MYO10: variants seen among roughly 807,000 people sequenced by gnomAD.
MYO10 encodes myosin X, also known as unconventional myosin-X.
MYO10 carries 133 observed loss-of-function variants against 257.3 expected under a neutral mutation model. The ratio of observed to expected loss-of-function variants is 0.52; its 90% CI spans 0.45 to 0.60. The LOEUF (loss-of-function observed/expected upper bound fraction) is 0.60, where lower values mean the gene tolerates loss of function less well. MYO10 is among the 20% of genes least tolerant of loss of function. The probability of loss-of-function intolerance (pLI) is 0.00; values close to 1 mark genes in which losing one functional copy is unlikely to be tolerated. For missense variants in MYO10, 2,399 were observed against 2,635.7 expected, an observed-to-expected ratio of 0.91 and a Z score of 1.97; for synonymous variants, 1,104 against 1,028.6, an observed-to-expected ratio of 1.07 and a Z score of -1.40.
chr5:16,699,429 C>T (rs775070242), intron 26 of MYO10, 21 bp downstream of exon 26: 2 of 1,612,318 alleles, frequency 1.2e-6, no homozygotes, highest in Non-Finnish European at 1.7e-6. Context: ...AACCCAGACT[C>T]CATGGCGGCT....
intron 19 of MYO10, among the ~76,000 whole-genome samples, chr5:16,718,002 T>G (rs980497255): frequency 5.3e-5 from 8 of 152,282 alleles, no homozygotes; most frequent in African/African-American, 1.9e-4. Flanking sequence ...GCGGGCCAGC[T>G]GGAGTTGCGG....
intron 27 of MYO10, among the ~76,000 whole-genome samples, chr5:16,693,008 C>T (rs573168533): frequency 1.3e-5 from 2 of 152,204 alleles, no homozygotes; most frequent in South Asian, 2.1e-4. Context: ...ACATCATGGC[C>T]GTAATCCCAG....
chr5:16,783,460 A>G lies in MYO10; in HGVS notation c.477T>C (p.Ser159=). The change falls in exon 5 of 41, where the codon AGT becomes AGC. Residue 159 remains serine, a synonymous_variant. Transcript: ENST00000513610. ...TAGTGCTTTCGGTTTTACCTGCCCC[A>G]CTTTCACCACTGAAAGACAAAACGG... ...DNQCILISGE[S]GAGKTESTKL... 1 of 1,608,780 alleles carries G rather than the reference A, an allele frequency of 6.2e-7. No individual in the cohort carries two copies. The highest frequency in any genetic ancestry group is 8.5e-7 in the Non-Finnish European group (1 of 1,178,386).
intron 2 of MYO10, among the ~76,000 whole-genome samples, chr5:16,869,328 C>G (rs190720125): frequency 6.6e-6 from 1 of 151,774 alleles, no homozygotes; most frequent in Non-Finnish European, 1.5e-5. Context: ...CGTGCACCAC[C>G]GTGCCCAGGC....
intron 19 of MYO10, among the ~76,000 whole-genome samples, chr5:16,745,035 C>T (rs1017181785): frequency 6.6e-6 from 1 of 152,192 alleles, no homozygotes; most frequent in African/African-American, 2.4e-5. Context: ...AGATTTCATT[C>T]ATTACAATTA....
chr5:16,936,147 C>T lies in MYO10; in HGVS notation c.-339G>A, dbSNP rs1746437331. The stretch of plus-strand genomic sequence containing the variant: ...GGGGTGCTGGCGAGCGCGGCCCCCT[C>T]CCTCTGCGCTCCGGCCGGGGGCCCT... On this transcript the variant is annotated 5_prime_UTR_variant, in exon 1 of 41. Coordinates refer to ENST00000513610, the MANE Select transcript of MYO10 (RefSeq NM_012334.3). The T allele has an allele frequency of 1.1e-5, 4 of 352,710 alleles. No homozygotes were observed. The South Asian group carries it at 1.4e-4, about 13-fold the overall frequency. 21.8% of individuals were successfully genotyped at this position (352,710 alleles called of 1,614,324 possible). A position where few individuals can be genotyped will look rare whatever the true frequency, so the allele number is the denominator to read the frequency against.
chr5:16,714,753 G>T (rs1477461217), intron 19 of MYO10, among the ~76,000 whole-genome samples: 4 of 152,142 alleles, frequency 2.6e-5, no homozygotes, highest in Non-Finnish European at 5.9e-5. Flanking sequence ...AACCCAGGAG[G>T]CAGAGCTTGC....
chr5:16,689,801 CA>C (rs2126519677), intron 28 of MYO10, 22 bp downstream of exon 28: 4 of 1,574,398 alleles, frequency 2.5e-6, no homozygotes, highest in Non-Finnish European at 3.5e-6. Context: ...GTGGGTAACA[CA>C]AAGTCAACAG....
chr5:16,759,553 G>A (rs1181691090), intron 17 of MYO10, among the ~76,000 whole-genome samples: 2 of 152,150 alleles, frequency 1.3e-5, no homozygotes, highest in East Asian at 3.9e-4. Flanking sequence ...CAGCTCCTCG[G>A]TTTGCAAGGG....
Position 16,666,428 on chromosome 5 carries a change from C to G in MYO10, c.*264G>C. ...CGGCTGCTTTGGTGGCAGCGTGGTT[C>G]CTCCCCTCCTTTTTTAAGGCATGTG... is the stretch of plus-strand genomic sequence containing the variant. On this transcript the variant is annotated 3_prime_UTR_variant, in exon 41 of 41. Transcript: ENST00000513610. 1 of 388,064 alleles carries G rather than the reference C, an allele frequency of 2.6e-6. No individual in the cohort carries two copies. The allele number at this position is 388,064 out of a possible 1,614,324, so 24.0% of individuals were successfully genotyped here. A position where few individuals can be genotyped will look rare whatever the true frequency, so the allele number is the denominator to read the frequency against.
Position 16,764,321 on chromosome 5 carries a change from T to C in MYO10, c.1255A>G (p.Ser419Gly). Residue 419 changes from serine (S) to glycine (G), a missense_variant, in exon 12 of 41, where the codon AGC becomes GGC. Transcript: ENST00000513610. ...CFEWVIKKIN[S>G]RIKGNEDFKS... ...AAGTCCTCATTGCCTTTGATCCTGC[T>C]GTTGATCTTCTTGATTACCCACTCA... 6 of 1,614,006 alleles carry C rather than the reference T, an allele frequency of 3.7e-6. No individual in the cohort carries two copies. Among genetic ancestry groups the C allele is most frequent in the Non-Finnish European group, 5.1e-6 (6 of 1,179,876 alleles).
At chr5:16,727,389 T>C (rs1739411710) in intron 19 of MYO10, among the ~76,000 whole-genome samples, 1 of 152,220 alleles carries the variant, frequency 6.6e-6, no homozygotes, top group Non-Finnish European at 1.5e-5. Context: ...ATGTTTTGTA[T>C]AAATACACTG....
At chr5:16,887,949 T>A (rs1744939373) in intron 1 of MYO10, among the ~76,000 whole-genome samples, 1 of 152,230 alleles carries the variant, frequency 6.6e-6, no homozygotes, top group South Asian at 2.1e-4. Flanking sequence ...TGAGAGTACC[T>A]CAAACATTGT....
At chr5:16,793,536 T>C (rs1306794185) in intron 4 of MYO10, among the ~76,000 whole-genome samples, 1 of 152,246 alleles carries the variant, frequency 6.6e-6, no homozygotes, top group Non-Finnish European at 1.5e-5. Flanking sequence ...TTGGCCAGGC[T>C]GGTCTCCAAC....
chr5:16,888,549 T>C lies in MYO10; in HGVS notation c.22-10842A>G, dbSNP rs962594820. On this transcript the variant is annotated intron_variant, in intron 1 of 40. Coordinates refer to ENST00000513610, the MANE Select transcript of MYO10 (RefSeq NM_012334.3). ...GGGAGAGGTTGTGGTGAGCCGAAAT[T>C]GCGCCACTGCACTCCAGCCTGAACA... Among the ~76,000 whole-genome samples, 24 of 151,426 alleles carry C rather than the reference T, an allele frequency of 1.6e-4. No individual in the cohort carries two copies. The East Asian group carries it at 4.5e-3, about 28-fold the overall frequency.
intron 34 of MYO10, among the ~76,000 whole-genome samples, chr5:16,675,787 G>A (rs1736696640): frequency 6.6e-6 from 1 of 152,048 alleles, no homozygotes; most frequent in South Asian, 2.1e-4. Flanking sequence ...GGGGAGAGCT[G>A]GCATTTTCTG....
At chr5:16,783,219 A>G in intron 5 of MYO10, 116 bp downstream of exon 5, 2 of 1,078,628 alleles carry the variant, frequency 1.9e-6, no homozygotes, top group Non-Finnish European at 2.6e-6. Flanking sequence ...AGGAATTGTA[A>G]AAGAGAAGTC....
chr5:16,750,721 C>T (rs1376327112), intron 19 of MYO10, among the ~76,000 whole-genome samples: 1 of 152,162 alleles, frequency 6.6e-6, no homozygotes, highest in Non-Finnish European at 1.5e-5. Flanking sequence ...TCTGACCAGG[C>T]TCAGTGGCTC....
At chr5:16,760,251 A>G (rs1740664821) in intron 17 of MYO10, among the ~76,000 whole-genome samples, 1 of 149,384 alleles carries the variant, frequency 6.7e-6, no homozygotes. Context: ...GGAGATGGAG[A>G]CCATCCTGGC....
Sources: allele counts gnomAD v4.1 joint callset (sites outside exome capture counted in the v4.1 genomes callset), GRCh38; gene constraint gnomAD v4.1.1; transcripts MANE v1.5; gene names NCBI Gene and HGNC (gene_info 2026-07-23, HGNC 2026-07-21).